Variants in LONP2 observed in about 807,000 individuals in gnomAD.
The protein encoded by LONP2 is lon protease homolog 2, peroxisomal.
LONP2 carries 60 observed loss-of-function variants against 85.6 expected under a neutral mutation model. The ratio of observed to expected loss-of-function variants is 0.70; its 90% CI spans 0.57 to 0.87. The LOEUF is 0.87. Ranked by LOEUF, LONP2 falls within the 40% of genes least tolerant of loss-of-function variation. The pLI, the probability that LONP2 is intolerant of heterozygous loss-of-function variation, is 0.00. For synonymous variants in LONP2, 395 were observed against 389.7 expected (o/e 1.01, Z -0.16); for missense variants, 860 against 1,063.5 (o/e 0.81, Z 2.66).
intron 1 of LONP2, among the ~76,000 whole-genome samples, chr16:48,245,181 C>G (rs60431412): frequency 0.084 from 12,779 of 152,206 alleles, 562 homozygotes; most frequent in Middle Eastern, 0.11. Context: ...TCCTTCTCCC[C>G]CTAATCCTTC....
chr16:48,300,027 G>A (rs1972770274), intron 10 of LONP2, among the ~76,000 whole-genome samples: 1 of 152,200 alleles, frequency 6.6e-6, no homozygotes, highest in South Asian at 2.1e-4. Flanking sequence ...CTAGGCAGAA[G>A]TTTACAGAGA....
rs1960166691 is a variant in LONP2, at chr16:48,351,965, A to C, written c.*163A>C. 1.6e-6 allele frequency: 1 copy of C among 610,908 alleles called. No homozygotes were observed. Among genetic ancestry groups the C allele is most frequent in the East Asian group, 2.7e-5 (1 of 36,398 alleles). The allele number at this position is 610,908 out of a possible 1,614,324, so 37.8% of individuals were successfully genotyped here. A position where few individuals can be genotyped will look rare whatever the true frequency, so the allele number is the denominator to read the frequency against. On this transcript the variant is annotated 3_prime_UTR_variant, in exon 15 of 15. Transcript: ENST00000285737. ...GTAGTGGCTAGTGTTTAGTATAGAAATATAAGATGTTGATTTAGTAAACTG... is the reference window on the plus strand; with the variant it reads ...GTAGTGGCTAGTGTTTAGTATAGAACTATAAGATGTTGATTTAGTAAACTG...
At chr16:48,289,527 G>A (rs1047868947) in intron 8 of LONP2, among the ~76,000 whole-genome samples, 11 of 152,128 alleles carry the variant, frequency 7.2e-5, no homozygotes, top group African/African-American at 1.9e-4. Flanking sequence ...TGCCCTAAGC[G>A]TTCCCAGCTT....
chr16:48,355,642 T>TC lies in LONP2; in HGVS notation c.*3842dup, dbSNP rs1567359946. 2.0e-5 allele frequency: 3 copies of TC among 152,194 alleles called. No homozygotes were observed. The highest frequency in any genetic ancestry group is 4.4e-5 in the Non-Finnish European group (3 of 68,044). The allele number at this position is 152,194 out of a possible 1,614,324, so 9.4% of individuals were successfully genotyped here. ...ATTCCTTCCAGCAATGCACAAATGT[T>TC]CCAGTTTCTCCACATCCTTGCCAGC... On this transcript the variant is annotated 3_prime_UTR_variant, in exon 15 of 15. Transcript: ENST00000285737.
rs762297156 is a variant in LONP2 at position 48,276,684 on chromosome 16, TTGCCAATTAG to T, written c.1242-650_1242-641del. On this transcript the variant is annotated intron_variant, in intron 7 of 14. Coordinates refer to ENST00000285737, the MANE Select transcript of LONP2 (RefSeq NM_031490.5). ...ATACCTGGCTGGCTGAACGTGGTTATTGCCAATTAGTGCATATGGGATGAATACAGTTTTG... is the reference window on the plus strand; with the variant it reads ...ATACCTGGCTGGCTGAACGTGGTTATTGCATATGGGATGAATACAGTTTTG... Among the ~76,000 whole-genome samples the T allele has an allele frequency of 2.6e-5, 4 of 152,334 alleles. No homozygotes were observed. The East Asian group carries it at 7.7e-4, about 29-fold the overall frequency.
At chr16:48,306,658 C>G (rs374014173) in intron 11 of LONP2, among the ~76,000 whole-genome samples, 1 of 152,116 alleles carries the variant, frequency 6.6e-6, no homozygotes, top group South Asian at 2.1e-4. Context: ...GAGTAAATAA[C>G]AGCCATTCTC....
In LONP2 at chr16:48,355,491, G is replaced by A. The variant is rs1468966378; in HGVS notation, c.*3689G>A. 2 of 152,094 alleles carry A rather than the reference G, an allele frequency of 1.3e-5. No individual in the cohort carries two copies. The highest frequency in any genetic ancestry group is 1.9e-4 in the East Asian group (1 of 5,194). 9.4% of individuals were successfully genotyped at this position (152,094 alleles called of 1,614,324 possible). ...CTTCACAACTATGAGAAATAAATTCGTACTTTTAAATTACCCAGTCTCAGG... is the reference window on the plus strand; with the variant it reads ...CTTCACAACTATGAGAAATAAATTCATACTTTTAAATTACCCAGTCTCAGG... On this transcript the variant is annotated 3_prime_UTR_variant, in exon 15 of 15. Coordinates refer to ENST00000285737, the MANE Select transcript of LONP2 (RefSeq NM_031490.5).
At chr16:48,322,873 A>G (rs1330842638) in intron 11 of LONP2, among the ~76,000 whole-genome samples, 1 of 152,234 alleles carries the variant, frequency 6.6e-6, no homozygotes, top group African/African-American at 2.4e-5. Context: ...GTGTACACCA[A>G]GCATCACCAC....
intron 11 of LONP2, among the ~76,000 whole-genome samples, chr16:48,316,006 TA>T (rs1973134009): frequency 1.4e-5 from 2 of 147,306 alleles, no homozygotes; most frequent in Admixed American, 1.4e-4. Context: ...GGCCACTGGA[TA>T]TTTTTTTTTT....
At chr16:48,263,529 C>T (rs1047340267) in intron 6 of LONP2, among the ~76,000 whole-genome samples, 7 of 152,180 alleles carry the variant, frequency 4.6e-5, no homozygotes, top group African/African-American at 1.7e-4. Context: ...TCACAGATGG[C>T]AAGATTTCCT....
chr16:48,261,580 A>G lies in LONP2; in HGVS notation c.880A>G (p.Ile294Val). 1 of 1,566,430 alleles carries G rather than the reference A, an allele frequency of 6.4e-7. No homozygotes were observed. Among genetic ancestry groups the G allele is most frequent in the Non-Finnish European group, 8.6e-7 (1 of 1,157,640 alleles). The change falls in exon 5 of 15, where the codon ATA becomes GTA. Residue 294 changes from isoleucine to valine, a missense_variant. Ile to Val is a conservative substitution (Grantham distance 29). Coordinates refer to ENST00000285737, the MANE Select transcript of LONP2 (RefSeq NM_031490.5). ...EQAHKVCVKE[I>V]KRLKKMPQSM... ...GGCCCATAAAGTCTGTGTCAAAGAG[A>G]TAAAGAGGTAAATTATAAAAGGCAT... is the stretch of plus-strand genomic sequence containing the variant.
chr16:48,246,190 T>A (rs898901164), intron 1 of LONP2, among the ~76,000 whole-genome samples: 2 of 152,054 alleles, frequency 1.3e-5, no homozygotes, highest in African/African-American at 4.8e-5. Flanking sequence ...TTCATTTATA[T>A]TGTAAAAGCC....
In LONP2 at chr16:48,252,159, G is replaced by A. The variant is rs777876149; in HGVS notation, c.262G>A (p.Val88Ile). The change falls in exon 2 of 15, where the codon GTT becomes ATT. Residue 88 changes from valine (V) to isoleucine (I), a missense_variant. Val to Ile is a conservative substitution (Grantham distance 29, BLOSUM62 3). Transcript: ENST00000285737. ...TGGCACAGCTGCACTGGCCGTTCAG[G>A]TTGTGGGCAGTAACTGGCCCAAGCC... ...RIGTAALAVQ[V>I]VGSNWPKPHY... 2.5e-5 allele frequency: 40 copies of A among 1,605,914 alleles called. No homozygotes were observed. The highest frequency in any genetic ancestry group is 3.2e-5 in the Non-Finnish European group (38 of 1,174,398).
At chr16:48,270,941 A>C (rs1396696005) in intron 7 of LONP2, among the ~76,000 whole-genome samples, 1 of 152,112 alleles carries the variant, frequency 6.6e-6, no homozygotes. Context: ...CAGCCGGGGC[A>C]ACATAGGGAA....
chr16:48,263,648 T>C lies in LONP2; in HGVS notation c.982+776T>C, dbSNP rs114903357. 7.9e-3 allele frequency among the ~76,000 whole-genome samples: 1,201 copies of C among 152,342 alleles called. 15 individuals carry two copies. Among genetic ancestry groups the C allele is most frequent in the African/African-American group, 0.028 (1,145 of 41,588 alleles). ...ATTTCCGTATCTTGGCTATTGTAAG[T>C]AATACTGCAGTGAATACGGAAGTGC... On this transcript the variant is annotated intron_variant, in intron 6 of 14. Transcript: ENST00000285737.
intron 12 of LONP2, among the ~76,000 whole-genome samples, chr16:48,335,316 A>G (rs1959612199): frequency 6.6e-6 from 1 of 152,144 alleles, no homozygotes. Flanking sequence ...TCAGGAACCT[A>G]TTGTTCCATT....
intron 11 of LONP2, among the ~76,000 whole-genome samples, chr16:48,333,242 G>C (rs948072867): frequency 8.5e-5 from 13 of 152,122 alleles, no homozygotes; most frequent in African/African-American, 3.1e-4. Flanking sequence ...TAAGTCAATT[G>C]GGTCCTGCTC....
chr16:48,273,674 C>T (rs903371389), intron 7 of LONP2, among the ~76,000 whole-genome samples: 2 of 152,080 alleles, frequency 1.3e-5, no homozygotes, highest in Non-Finnish European at 2.9e-5. Flanking sequence ...TAATTTAAGT[C>T]AATTCACACA....
At chr16:48,303,099 T>C in intron 10 of LONP2, 73 bp from the exon 11 acceptor site, 8 of 1,541,750 alleles carry the variant, frequency 5.2e-6, no homozygotes, top group South Asian at 1.2e-5. Context: ...TTACCAAAAA[T>C]GTTAATCACA....
Sources: allele counts gnomAD v4.1 joint callset (sites outside exome capture counted in the v4.1 genomes callset), GRCh38; gene constraint gnomAD v4.1.1; transcripts MANE v1.5; gene names NCBI Gene and HGNC (gene_info 2026-07-23, HGNC 2026-07-21).